Variants in ALB observed in about 807,000 individuals in gnomAD.
ALB encodes the protein albumin, also known as serum albumin.
ALB carries 37 observed loss-of-function variants against 74.5 expected under a neutral mutation model. The observed-to-expected ratio is 0.50, with a 90% CI of 0.38 to 0.65. The LOEUF (loss-of-function observed/expected upper bound fraction) is 0.65, where lower values mean the gene tolerates loss of function less well. Among genes scored for constraint, ALB ranks in the 30% least tolerant of loss-of-function variants. ALB has a pLI of 0.00. For synonymous variants in ALB, 249 were observed against 251.6 expected (o/e 0.99, Z 0.10); for missense variants, 685 against 718.7 (o/e 0.95, Z 0.54).
chr4:73,406,163 G>A (rs1718722371), intron 2 of ALB, among the ~76,000 whole-genome samples: 1 of 152,156 alleles, frequency 6.6e-6, no homozygotes. Context: ...GGAGGCTGAC[G>A]TAGGAGGATC....
chr4:73,407,370 T>A (rs1718761567), intron 3 of ALB, among the ~76,000 whole-genome samples: 1 of 152,234 alleles, frequency 6.6e-6, no homozygotes, highest in Non-Finnish European at 1.5e-5. Context: ...TTTATCTTTT[T>A]ATGACTGACT....
rs55795830 is a variant in ALB, at chr4:73,417,285, C to T, written c.1290-246C>T. 3.4e-3 allele frequency among the ~76,000 whole-genome samples: 524 copies of T among 152,254 alleles called. 4 individuals carry two copies. The highest frequency in any genetic ancestry group is 6.7e-3 in the Admixed American group (103 of 15,296). ...GAAATTAATAAATTTATTAATGTCA[C>T]TGAATTAGGCAACTCACTTTCCCAA... is the stretch of plus-strand genomic sequence containing the variant. On this transcript the variant is annotated intron_variant, in intron 10 of 14. Coordinates refer to ENST00000295897, the MANE Select transcript of ALB (RefSeq NM_000477.7).
Position 73,420,303 on chromosome 4 carries a change from A to G in ALB, c.*5A>G. 1 of 1,608,690 alleles carries G rather than the reference A, an allele frequency of 6.2e-7. No individual in the cohort carries two copies. Among genetic ancestry groups the G allele is most frequent in the Non-Finnish European group, 8.5e-7 (1 of 1,175,586 alleles). ...CAAGCTGCCTTAGGCTTATAACATC[A>G]CATTTAAAAGCATCTCAGGTAACTA... is the stretch of plus-strand genomic sequence containing the variant. On this transcript the variant is annotated 3_prime_UTR_variant, in exon 14 of 15. Transcript: ENST00000295897.
chr4:73,407,131 C>T (rs1034039304), intron 3 of ALB, among the ~76,000 whole-genome samples: 2 of 150,792 alleles, frequency 1.3e-5, no homozygotes, highest in Non-Finnish European at 3.0e-5. Flanking sequence ...ATAGTAAGAA[C>T]CCTTAACATG....
At chr4:73,413,092 G>A (rs10022167) in intron 7 of ALB, among the ~76,000 whole-genome samples, 79,608 of 151,888 alleles carry the variant, frequency 0.52, 21,243 homozygotes, top group Non-Finnish European at 0.58. Context: ...GGTTTCAAAA[G>A]GCCTGCACTT....
At chr4:73,421,060 A>C in intron 14 of ALB, 32 bp from the exon 15 acceptor site, 3 of 676,394 alleles carry the variant, frequency 4.4e-6, no homozygotes, top group Non-Finnish European at 8.0e-6. Context: ...CATTTTACAA[A>C]TAAGACTTAT....
rs1298012802 is a variant in ALB, at chr4:73,409,347, A to G, written c.483-8A>G. The G allele has an allele frequency of 1.9e-6, 3 of 1,612,874 alleles. No homozygotes were observed. Among genetic ancestry groups the G allele is most frequent in the Non-Finnish European group, 2.5e-6 (3 of 1,179,266 alleles). On this transcript the variant is annotated splice_polypyrimidine_tract_variant and splice_region_variant and intron_variant, in intron 4 of 14. Transcript: ENST00000295897. Reference sequence around the variant, plus strand: ...GAAAAGTGACTGTTTTTCTTTTTCAAAATTTAGATACTTATATGAAATTGC... The same window carrying G: ...GAAAAGTGACTGTTTTTCTTTTTCAGAATTTAGATACTTATATGAAATTGC...
At chr4:73,410,571 A>G (rs895749816) in intron 6 of ALB, among the ~76,000 whole-genome samples, 162 bp downstream of exon 6, 1 of 152,164 alleles carries the variant, frequency 6.6e-6, no homozygotes, top group Non-Finnish European at 1.5e-5. Flanking sequence ...CAGAATATCA[A>G]TGACAATTTG....
chr4:73,405,229 T>C, intron 2 of ALB, 56 bp downstream of exon 2: 1 of 1,412,276 alleles, frequency 7.1e-7, no homozygotes, highest in Non-Finnish European at 1.0e-6. Flanking sequence ...TTGTTTATTA[T>C]TCTAAAGTGC....
chr4:73,406,593 T>A, intron 2 of ALB, 36 bp from the exon 3 acceptor site: 1 of 1,610,234 alleles, frequency 6.2e-7, no homozygotes, highest in Non-Finnish European at 8.5e-7. Context: ...TATTAAAGTT[T>A]TATTATACTA....
At position 73,419,583 on chromosome 4, in the gene ALB, G is replaced by C. The variant is rs755700407; in HGVS notation, c.1729G>C (p.Ala577Pro). The stretch of plus-strand genomic sequence containing the variant: ...GAAAGCTGTTATGGATGATTTCGCA[G>C]CTTTTGTAGAGAAGTGCTGCAAGGC... ...QLKAVMDDFA[A>P]FVEKCCKADD... Residue 577 changes from alanine to proline, a missense_variant, in exon 13 of 15, where the codon GCT (alanine) becomes CCT (proline). Coordinates refer to ENST00000295897, the MANE Select transcript of ALB (RefSeq NM_000477.7). The C allele has an allele frequency of 3.1e-6, 5 of 1,613,876 alleles. No individual in the cohort carries two copies. The East Asian group carries it at 8.9e-5, about 29-fold the overall frequency.
At chr4:73,420,916 C>G (rs1719126013) in intron 14 of ALB, 176 bp from the exon 15 acceptor site, 3 of 500,564 alleles carry the variant, frequency 6.0e-6, no homozygotes, top group Non-Finnish European at 1.1e-5. Context: ...TGGTGTGTCC[C>G]CTTGCCTAGC....
chr4:73,412,707 A>G (rs1289197674), intron 7 of ALB, among the ~76,000 whole-genome samples: 1 of 152,136 alleles, frequency 6.6e-6, no homozygotes, highest in African/African-American at 2.4e-5. Context: ...GGCCTCCCAA[A>G]GTGCTGGGAT....
rs1233151582 is a variant in ALB at position 73,412,105 on chromosome 4, C to G, written c.823C>G (p.Leu275Val). Reference protein sequence around the residue: ...VHTECCHGDLLECADDRADLA... With the variant: ...VHTECCHGDLVECADDRADLA... ...CACGGAATGCTGCCATGGAGATCTGCTTGAATGTGCTGATGACAGGGTAAA... is the reference window on the plus strand; with the variant it reads ...CACGGAATGCTGCCATGGAGATCTGGTTGAATGTGCTGATGACAGGGTAAA... The change falls in exon 7 of 15, where the codon CTT (leucine) becomes GTT (valine). Residue 275 changes from leucine (L) to valine (V), a missense_variant. Coordinates refer to ENST00000295897, the MANE Select transcript of ALB (RefSeq NM_000477.7). 2.5e-6 allele frequency: 4 copies of G among 1,614,086 alleles called. No individual in the cohort carries two copies. The highest frequency in any genetic ancestry group is 3.4e-6 in the Non-Finnish European group (4 of 1,179,988).
chr4:73,413,159 T>C (rs1442543205), intron 7 of ALB: 1 of 416,348 alleles, frequency 2.4e-6, no homozygotes, highest in Non-Finnish European at 4.3e-6. Context: ...AAAACTTAAA[T>C]GCCCTAACAG....
chr4:73,407,800 A>G (rs1391321773), intron 3 of ALB, among the ~76,000 whole-genome samples: 1 of 152,208 alleles, frequency 6.6e-6, no homozygotes, highest in Non-Finnish European at 1.5e-5. Context: ...AAACAAGGAC[A>G]GGTTTATCTT....
intron 3 of ALB, 85 bp from the exon 4 acceptor site, chr4:73,408,509 A>C: frequency 8.4e-7 from 1 of 1,183,616 alleles, no homozygotes; most frequent in Non-Finnish European, 1.2e-6. Context: ...AAGCTTAACC[A>C]GTATATTAAA....
At chr4:73,411,957 G>T in intron 6 of ALB, 39 bp from the exon 7 acceptor site, 4 of 1,612,178 alleles carry the variant, frequency 2.5e-6, no homozygotes, top group Non-Finnish European at 3.4e-6. Flanking sequence ...ATAAAATATC[G>T]CATGATAATA....
chr4:73,415,934 A>G (rs529633739), intron 9 of ALB, among the ~76,000 whole-genome samples: 1 of 152,318 alleles, frequency 6.6e-6, no homozygotes, highest in Admixed American at 6.5e-5. Context: ...GATGAGTGCC[A>G]TCTTTGCCCC....
Sources: gnomAD v4.1 joint callset for allele counts (sites outside exome capture counted in the v4.1 genomes callset) on GRCh38, gnomAD v4.1.1 for gene constraint, MANE v1.5 for transcripts, NCBI Gene and HGNC (gene_info 2026-07-23, HGNC 2026-07-21) for gene names.